The following CADPS variants were observed in gnomAD, a reference collection of about 807,000 sequenced individuals.
The protein encoded by CADPS is calcium-dependent secretion activator 1.
Under a neutral mutation model 167.3 loss-of-function variants are expected in CADPS, and 57 were observed. The ratio of observed to expected loss-of-function variants is 0.34; its 90% CI spans 0.28 to 0.42. The LOEUF (loss-of-function observed/expected upper bound fraction) is 0.42, where lower values mean the gene tolerates loss of function less well. Among genes scored for constraint, CADPS ranks in the 20% least tolerant of loss-of-function variants. The probability of loss-of-function intolerance (pLI) is 1.00; values close to 1 mark genes in which losing one functional copy is unlikely to be tolerated. For synonymous variants in CADPS, 676 were observed against 635.3 expected, an observed-to-expected ratio of 1.06 and a Z score of -0.96; for missense variants, 1,414 against 1,738.1, an observed-to-expected ratio of 0.81 and a Z score of 3.32.
At chr3:62,817,136 C>T (rs1017637188) in intron 1 of CADPS, among the ~76,000 whole-genome samples, 3 of 152,134 alleles carry the variant, frequency 2.0e-5, no homozygotes, top group Admixed American at 6.6e-5. Flanking sequence ...CTCTCTATTA[C>T]ATGAAGAATC....
chr3:62,519,827 C>T (rs1024439140), intron 13 of CADPS, among the ~76,000 whole-genome samples: 1 of 152,058 alleles, frequency 6.6e-6, no homozygotes, highest in Non-Finnish European at 1.5e-5. Flanking sequence ...CGTGAATCTA[C>T]AGTTAGATAA....
intron 28 of CADPS, among the ~76,000 whole-genome samples, chr3:62,409,345 AAAG>A (rs1201101458): frequency 6.6e-6 from 1 of 152,266 alleles, no homozygotes; most frequent in Admixed American, 6.5e-5. Context: ...TGAAGTTCTC[AAAG>A]AAGTGTGTGG....
At chr3:62,473,118 G>T (rs773604177) in intron 24 of CADPS, among the ~76,000 whole-genome samples, 12 of 151,986 alleles carry the variant, frequency 7.9e-5, no homozygotes, top group Non-Finnish European at 1.6e-4. Flanking sequence ...AGCACACGAT[G>T]CTGGGACAGA....
chr3:62,519,884 G>C (rs1454345253), intron 13 of CADPS, among the ~76,000 whole-genome samples: 2 of 152,064 alleles, frequency 1.3e-5, no homozygotes, highest in African/African-American at 4.8e-5. Context: ...GCTTTTGTTT[G>C]TAACTTTTCG....
At chr3:62,415,542 C>CTCGT (rs2049899807) in intron 28 of CADPS, among the ~76,000 whole-genome samples, 2 of 152,116 alleles carry the variant, frequency 1.3e-5, no homozygotes, top group African/African-American at 4.8e-5. Context: ...AGCTGACATG[C>CTCGT]TCGTAGCTTA....
intron 26 of CADPS, among the ~76,000 whole-genome samples, chr3:62,457,830 C>A (rs1191221549): frequency 6.6e-6 from 1 of 152,104 alleles, no homozygotes; most frequent in Admixed American, 6.5e-5. Flanking sequence ...CAAACTAACA[C>A]AAGAACAGAA....
intron 3 of CADPS, among the ~76,000 whole-genome samples, chr3:62,706,220 A>C (rs1036166957): frequency 1.3e-5 from 2 of 152,174 alleles, no homozygotes; most frequent in African/African-American, 4.8e-5. Context: ...GAAGCCTACC[A>C]TGATGTCCTC....
intron 3 of CADPS, among the ~76,000 whole-genome samples, chr3:62,745,891 A>G (rs1035997621): frequency 2.0e-5 from 3 of 152,232 alleles, no homozygotes; most frequent in African/African-American, 7.2e-5. Flanking sequence ...TGCTCAATGA[A>G]ATCTAGAAGA....
intron 1 of CADPS, among the ~76,000 whole-genome samples, chr3:62,859,715 T>C (rs900100079): frequency 2.6e-5 from 4 of 152,218 alleles, no homozygotes; most frequent in African/African-American, 9.6e-5. Context: ...TGTGGGGCTT[T>C]TGTCAAAACT....
chr3:62,714,641 T>C (rs2084063049), intron 3 of CADPS, among the ~76,000 whole-genome samples: 1 of 152,164 alleles, frequency 6.6e-6, no homozygotes, highest in South Asian at 2.1e-4. Flanking sequence ...CAGAAAAAGT[T>C]AGCTAAACAA....
chr3:62,573,571 T>C (rs2081698021), intron 8 of CADPS, among the ~76,000 whole-genome samples: 1 of 152,244 alleles, frequency 6.6e-6, no homozygotes, highest in African/African-American at 2.4e-5. Context: ...CTGCCCATTG[T>C]ATTATCTACA....
intron 3 of CADPS, among the ~76,000 whole-genome samples, chr3:62,702,009 C>G (rs527582791): frequency 1.3e-5 from 2 of 152,012 alleles, no homozygotes; most frequent in Admixed American, 6.6e-5. Context: ...GCTTATTTAC[C>G]GAGTGCCAGA....
At chr3:62,835,161 T>C (rs979756861) in intron 1 of CADPS, among the ~76,000 whole-genome samples, 4 of 152,190 alleles carry the variant, frequency 2.6e-5, no homozygotes, top group African/African-American at 7.2e-5. Context: ...AAATGTAAAT[T>C]AGATCACTTT....
intron 3 of CADPS, among the ~76,000 whole-genome samples, chr3:62,686,040 T>C (rs1167750212): frequency 6.6e-6 from 1 of 152,108 alleles, no homozygotes; most frequent in East Asian, 1.9e-4. Flanking sequence ...ACATACTAAT[T>C]ACCTTGATCT....
chr3:62,798,286 G>C (rs1418246694), intron 1 of CADPS, among the ~76,000 whole-genome samples: 1 of 152,114 alleles, frequency 6.6e-6, no homozygotes, highest in East Asian at 1.9e-4. Flanking sequence ...TGCCAGTGTG[G>C]CTAAGATAAA....
At chr3:62,443,491 T>C (rs1477366913) in intron 27 of CADPS, among the ~76,000 whole-genome samples, 1 of 152,050 alleles carries the variant, frequency 6.6e-6, no homozygotes, top group Non-Finnish European at 1.5e-5. Context: ...CCCACCCAAA[T>C]CTCATCTTGA....
At chr3:62,523,315 A>T (rs12490532) in intron 13 of CADPS, among the ~76,000 whole-genome samples, 110,826 of 152,072 alleles carry the variant, frequency 0.73, 40,924 homozygotes, top group Middle Eastern at 0.85. Context: ...TATCTATTAT[A>T]GGATTAATAT....
At chr3:62,729,532 C>T (rs1465169156) in intron 3 of CADPS, among the ~76,000 whole-genome samples, 1 of 151,912 alleles carries the variant, frequency 6.6e-6, no homozygotes. Context: ...GATGAAATCT[C>T]AGGTCTGCTA....
At chr3:62,643,148 G>A (rs1015257784) in intron 6 of CADPS, among the ~76,000 whole-genome samples, 1 of 152,164 alleles carries the variant, frequency 6.6e-6, no homozygotes, top group Admixed American at 6.5e-5. Flanking sequence ...GAAGACACAC[G>A]AGTGTTGTAT....
Sources: gnomAD v4.1 joint callset for allele counts (sites outside exome capture counted in the v4.1 genomes callset) on GRCh38, gnomAD v4.1.1 for gene constraint, MANE v1.5 for transcripts, NCBI Gene and HGNC (gene_info 2026-07-23, HGNC 2026-07-21) for gene names.